Variants in HS3ST2 observed in about 807,000 individuals in gnomAD.
HS3ST2 encodes heparan sulfate-glucosamine 3-sulfotransferase 2.
In HS3ST2, 17 loss-of-function variants were observed where a neutral mutation model predicts 26.3. That is an observed-to-expected ratio of 0.65 (90% CI 0.44 to 0.97). HS3ST2 has a LOEUF of 0.97. Ranked by LOEUF, HS3ST2 falls within the 50% of genes least tolerant of loss-of-function variation. HS3ST2 has a pLI of 0.00. For synonymous variants in HS3ST2, 237 were observed against 219.2 expected (o/e 1.08, Z -0.72); for missense variants, 402 against 501.2 (o/e 0.80, Z 1.89).
At chr16:22,900,504 C>T (rs543536363) in intron 1 of HS3ST2, among the ~76,000 whole-genome samples, 72 of 152,152 alleles carry the variant, frequency 4.7e-4, no homozygotes, top group African/African-American at 1.7e-3. Flanking sequence ...CTGGGACAGA[C>T]GTCAGAAGGG....
chr16:22,909,031 T>C (rs1902388869), intron 1 of HS3ST2, among the ~76,000 whole-genome samples: 1 of 152,220 alleles, frequency 6.6e-6, no homozygotes. Flanking sequence ...CCTAGATAGC[T>C]GCAGGGATTT....
chr16:22,814,437 CT>C lies in HS3ST2; in HGVS notation c.-173del. The C allele has an allele frequency of 1.7e-6, 1 of 579,628 alleles. No individual in the cohort carries two copies. The highest frequency in any genetic ancestry group is 3.3e-5 in the East Asian group (1 of 30,192). 35.9% of individuals were successfully genotyped at this position (579,628 alleles called of 1,614,324 possible). Reference sequence around the variant, plus strand: ...GAGGAGCCGCTGCCCCCGGGACCCCCTGGCACTGTGCGCACCCTGGTCAGCA... The same window carrying C: ...GAGGAGCCGCTGCCCCCGGGACCCCCGGCACTGTGCGCACCCTGGTCAGCA... On this transcript the variant is annotated 5_prime_UTR_variant, in exon 1 of 2. It removes the in-frame stop codon of an upstream open reading frame in the 5' UTR. Transcript: ENST00000261374.
intron 1 of HS3ST2, among the ~76,000 whole-genome samples, chr16:22,832,151 C>CTTTT (rs71151684): frequency 1.7e-5 from 2 of 115,468 alleles, no homozygotes; most frequent in African/African-American, 3.2e-5. Context: ...CCCAGCTGAT[C>CTTTT]TTTTTTTTTT....
At chr16:22,834,537 C>T (rs1296072906) in intron 1 of HS3ST2, among the ~76,000 whole-genome samples, 2 of 151,938 alleles carry the variant, frequency 1.3e-5, no homozygotes, top group Non-Finnish European at 2.9e-5. Context: ...TTAACCAAAT[C>T]GCCTACTGAT....
chr16:22,912,133 C>CA (rs556519308), intron 1 of HS3ST2, among the ~76,000 whole-genome samples: 2 of 152,182 alleles, frequency 1.3e-5, no homozygotes, highest in South Asian at 4.1e-4. Flanking sequence ...CGCACACACA[C>CA]AAAAAACCCC....
In HS3ST2 at chr16:22,827,152, G is replaced by A. The variant is rs374717628; in HGVS notation, c.485+12057G>A. ...CTGGGAGAAGAATGTTCTAGCAGAA[G>A]CAGCACACGTGCAAAGGCCCTGAGG... On this transcript the variant is annotated intron_variant, in intron 1 of 1. Coordinates refer to ENST00000261374, the MANE Select transcript of HS3ST2 (RefSeq NM_006043.2). 3.3e-5 allele frequency among the ~76,000 whole-genome samples: 5 copies of A among 152,274 alleles called. No homozygotes were observed. In the South Asian group the frequency reaches 1.0e-3, roughly 32 times the overall value.
chr16:22,894,305 G>C (rs1286051521), intron 1 of HS3ST2, among the ~76,000 whole-genome samples: 1 of 152,132 alleles, frequency 6.6e-6, no homozygotes, highest in African/African-American at 2.4e-5. Flanking sequence ...GGGCTCCCTG[G>C]TTCAATATTT....
intron 1 of HS3ST2, among the ~76,000 whole-genome samples, chr16:22,892,205 G>A (rs932056971): frequency 6.6e-6 from 1 of 151,866 alleles, no homozygotes; most frequent in African/African-American, 2.4e-5. Flanking sequence ...CAGGAGAATG[G>A]GGTGAACCCA....
intron 1 of HS3ST2, among the ~76,000 whole-genome samples, chr16:22,856,328 A>G (rs184432813): frequency 2.0e-4 from 31 of 152,360 alleles, no homozygotes; most frequent in Non-Finnish European, 3.1e-4. Flanking sequence ...TAAATGTGCC[A>G]TGTAGACTGG....
intron 1 of HS3ST2, among the ~76,000 whole-genome samples, chr16:22,912,672 C>T (rs1212065425): frequency 6.6e-6 from 1 of 152,164 alleles, no homozygotes; most frequent in African/African-American, 2.4e-5. Context: ...TCGGAGGCAG[C>T]TCTGCAGTCA....
At chr16:22,828,004 G>T (rs929170213) in intron 1 of HS3ST2, among the ~76,000 whole-genome samples, 1 of 151,988 alleles carries the variant, frequency 6.6e-6, no homozygotes, top group Admixed American at 6.6e-5. Context: ...ACCGTGCCCA[G>T]CCCAAGTTCC....
intron 1 of HS3ST2, among the ~76,000 whole-genome samples, chr16:22,830,504 G>T (rs531672315): frequency 6.6e-6 from 1 of 152,286 alleles, no homozygotes; most frequent in South Asian, 2.1e-4. Context: ...TGGGATGGTG[G>T]GACAGAGAGG....
chr16:22,868,577 T>C (rs1202868193), intron 1 of HS3ST2, among the ~76,000 whole-genome samples: 1 of 152,206 alleles, frequency 6.6e-6, no homozygotes, highest in Non-Finnish European at 1.5e-5. Flanking sequence ...GGAAGTATTC[T>C]GAAGCCAACA....
chr16:22,815,450 C>T (rs1182182582), intron 1 of HS3ST2, among the ~76,000 whole-genome samples: 3 of 152,204 alleles, frequency 2.0e-5, no homozygotes, highest in African/African-American at 7.2e-5. Flanking sequence ...ACGGCACCAT[C>T]CTAACCCTCT....
intron 1 of HS3ST2, among the ~76,000 whole-genome samples, chr16:22,875,921 A>G (rs1901908749): frequency 6.6e-6 from 1 of 152,240 alleles, no homozygotes. Context: ...TATTCAGGAC[A>G]GCAACATGCT....
intron 1 of HS3ST2, among the ~76,000 whole-genome samples, chr16:22,834,344 A>G (rs765227095): frequency 6.6e-6 from 1 of 152,300 alleles, no homozygotes; most frequent in South Asian, 2.1e-4. Context: ...ACTGCTATTC[A>G]TATCAGTACA....
chr16:22,823,568 C>A (rs445689), intron 1 of HS3ST2, among the ~76,000 whole-genome samples: 21,469 of 150,738 alleles, frequency 0.14, 1,653 homozygotes, highest in East Asian at 0.22. Flanking sequence ...GTAATCGCTT[C>A]AGCCCAGGAG....
chr16:22,903,609 T>G (rs1902309504), intron 1 of HS3ST2, among the ~76,000 whole-genome samples: 1 of 152,202 alleles, frequency 6.6e-6, no homozygotes, highest in East Asian at 1.9e-4. Flanking sequence ...AGTGTATTCA[T>G]TCCCGAGGCA....
In HS3ST2 at chr16:22,897,917, G is replaced by A. The variant is rs1902229461; in HGVS notation, c.486-17027G>A. On this transcript the variant is annotated intron_variant, in intron 1 of 1. Coordinates refer to ENST00000261374, the MANE Select transcript of HS3ST2 (RefSeq NM_006043.2). ...GCTCATATAGCTATGCCTACCACAA[G>A]GCATGTAAAAATGTAACTGTAAAAA... Among the ~76,000 whole-genome samples the A allele has an allele frequency of 8.1e-5, 2 of 24,778 alleles. 1 individual carries two copies. 16.3% of individuals were successfully genotyped at this position (24,778 alleles called of 152,430 possible).
Sources: allele counts gnomAD v4.1 joint callset (sites outside exome capture counted in the v4.1 genomes callset), GRCh38; gene constraint gnomAD v4.1.1; transcripts MANE v1.5; gene names NCBI Gene and HGNC (gene_info 2026-07-23, HGNC 2026-07-21).